Variants in ZDHHC17 observed in about 807,000 individuals in gnomAD.
The protein encoded by ZDHHC17 is zDHHC palmitoyltransferase 17.
In ZDHHC17, 40 loss-of-function variants were observed where a neutral mutation model predicts 90.3. That is an observed-to-expected ratio of 0.44 (90% confidence interval 0.34 to 0.58). The LOEUF (loss-of-function observed/expected upper bound fraction) is 0.58. Ranked by LOEUF, ZDHHC17 falls within the 20% of genes least tolerant of loss-of-function variation. ZDHHC17 has a pLI of 0.01. For missense variants in ZDHHC17, 614 were observed against 780.8 expected, an observed-to-expected ratio of 0.79 and a Z score of 2.55; for synonymous variants, 235 against 252.4, an observed-to-expected ratio of 0.93 and a Z score of 0.65.
chr12:76,813,639 T>C (rs1953051417), intron 5 of ZDHHC17, among the ~76,000 whole-genome samples: 2 of 152,086 alleles, frequency 1.3e-5, no homozygotes, highest in African/African-American at 2.4e-5. Context: ...AACTCTCTGC[T>C]CTCTCCACTG....
intron 1 of ZDHHC17, among the ~76,000 whole-genome samples, chr12:76,787,623 TC>T (rs1333604980): frequency 1.1e-3 from 157 of 146,080 alleles, no homozygotes; most frequent in African/African-American, 3.9e-3. Context: ...TCTCCCTCTC[TC>T]TCTCTCTCTC....
chr12:76,832,276 G>A (rs1288166096), intron 10 of ZDHHC17, among the ~76,000 whole-genome samples: 1 of 152,208 alleles, frequency 6.6e-6, no homozygotes, highest in African/African-American at 2.4e-5. Context: ...AATAGCAGTT[G>A]TCCAGGATCA....
intron 8 of ZDHHC17, among the ~76,000 whole-genome samples, chr12:76,825,525 C>A (rs11115613): frequency 0.062 from 9,380 of 151,938 alleles, 312 homozygotes; most frequent in Middle Eastern, 0.11. Flanking sequence ...AAAGTTCATA[C>A]TTATTAGAAA....
chr12:76,825,796 CATACT>C (rs1157695401), intron 8 of ZDHHC17, among the ~76,000 whole-genome samples: 1 of 152,080 alleles, frequency 6.6e-6, no homozygotes, highest in Non-Finnish European at 1.5e-5. Context: ...AAGCAGTGTT[CATACT>C]CTGCTTTGTT....
chr12:76,773,695 A>G (rs1030317920), intron 1 of ZDHHC17, among the ~76,000 whole-genome samples: 2 of 152,214 alleles, frequency 1.3e-5, no homozygotes, highest in Non-Finnish European at 2.9e-5. Context: ...TTTGCTGTAT[A>G]CATGAATAGG....
rs539134884 is a variant in ZDHHC17 at position 76,765,035 on chromosome 12, A to G, written c.93+706A>G. Among the ~76,000 whole-genome samples, 5 of 152,316 alleles carry G rather than the reference A, an allele frequency of 3.3e-5. No individual in the cohort carries two copies. In the East Asian group the frequency reaches 9.6e-4, roughly 29 times the overall value. On this transcript the variant is annotated intron_variant, in intron 1 of 16. Coordinates refer to ENST00000426126, the MANE Select transcript of ZDHHC17 (RefSeq NM_015336.4). Reference sequence around the variant, plus strand: ...ATGTAAGTAAACAGTGCCCCGCTCCACAGTCAGTCAGTCTGTGCTTGTTTA... The same window carrying G: ...ATGTAAGTAAACAGTGCCCCGCTCCGCAGTCAGTCAGTCTGTGCTTGTTTA...
chr12:76,801,410 T>C (rs892334681), intron 2 of ZDHHC17, among the ~76,000 whole-genome samples: 18 of 151,722 alleles, frequency 1.2e-4, no homozygotes, highest in Non-Finnish European at 2.2e-4. Flanking sequence ...TCCCAGCACT[T>C]TGGGAGGCCA....
chr12:76,814,074 C>A (rs1038842690), intron 5 of ZDHHC17, among the ~76,000 whole-genome samples: 1 of 151,924 alleles, frequency 6.6e-6, no homozygotes, highest in African/African-American at 2.4e-5. Flanking sequence ...TCAAAGTACT[C>A]CAGGTTAATG....
At chr12:76,835,919 C>CT (rs1953357344) in intron 10 of ZDHHC17, among the ~76,000 whole-genome samples, 1 of 39,584 alleles carries the variant, frequency 2.5e-5, no homozygotes, top group African/African-American at 1.1e-4. Flanking sequence ...TCCCTCTACA[C>CT]CCCCTTTTTT....
Position 76,797,420 on chromosome 12 carries a change from T to C in ZDHHC17, c.94-14T>C. On this transcript the variant is annotated splice_polypyrimidine_tract_variant and intron_variant, in intron 1 of 16. Coordinates refer to ENST00000426126, the MANE Select transcript of ZDHHC17 (RefSeq NM_015336.4). ...TTTTCAATTCTTGCCTGTGTGTGAT[T>C]TTCTTTTTAACAGGAAATCAAACCC... The C allele has an allele frequency of 6.3e-7, 1 of 1,586,134 alleles. No homozygotes were observed. The highest frequency in any genetic ancestry group is 8.6e-7 in the Non-Finnish European group (1 of 1,166,390).
At chr12:76,838,124 A>G (rs1326575053) in intron 10 of ZDHHC17, among the ~76,000 whole-genome samples, 2 of 151,772 alleles carry the variant, frequency 1.3e-5, no homozygotes, top group East Asian at 1.9e-4. Flanking sequence ...ATCTGGTTCT[A>G]ATTGTTTTAT....
intron 1 of ZDHHC17, among the ~76,000 whole-genome samples, chr12:76,792,837 T>C (rs1355728211): frequency 6.6e-6 from 1 of 152,198 alleles, no homozygotes; most frequent in Non-Finnish European, 1.5e-5. Flanking sequence ...TGAAGAAATC[T>C]TGTATAAAGC....
intron 1 of ZDHHC17, among the ~76,000 whole-genome samples, chr12:76,792,795 C>CT (rs569370997): frequency 1.3e-3 from 204 of 151,408 alleles, no homozygotes; most frequent in Non-Finnish European, 2.1e-3. Flanking sequence ...AGTTTCAGAA[C>CT]TTTTTTTTTA....
At chr12:76,764,920 C>T in intron 1 of ZDHHC17, 2 of 452,452 alleles carry the variant, frequency 4.4e-6, no homozygotes, top group Non-Finnish European at 8.9e-6. Flanking sequence ...AATAGACTTA[C>T]ACTCACATTA....
At chr12:76,788,506 AC>A (rs1952718472) in intron 1 of ZDHHC17, among the ~76,000 whole-genome samples, 1 of 152,150 alleles carries the variant, frequency 6.6e-6, no homozygotes. Context: ...GCATAAATGA[AC>A]AGTTCTAAAC....
chr12:76,808,920 A>T (rs1391211982), intron 3 of ZDHHC17, 123 bp from the exon 4 acceptor site: 2 of 503,648 alleles, frequency 4.0e-6, no homozygotes, highest in African/African-American at 4.0e-5. Flanking sequence ...AAGATTATTT[A>T]TTTTCAAAGG....
In ZDHHC17 at chr12:76,805,423, A is replaced by T; in HGVS notation, c.304A>T (p.Arg102Ter). Residue 102 changes from arginine (R) to a stop codon, truncating the protein, a stop_gained, in exon 3 of 17, where the codon AGA becomes TGA. Transcript: ENST00000426126. LOFTEE classifies it high-confidence loss of function. Reference sequence around the variant, plus strand: ...CCTCCATTGGGCTGCCATCAATAACAGAATAGATTTAGTCAAGTATGTATT... The same window carrying T: ...CCTCCATTGGGCTGCCATCAATAACTGAATAGATTTAGTCAAGTATGTATT... ...TLLHWAAINN[R>*]IDLVKYYISK... The T allele has an allele frequency of 6.3e-7, 1 of 1,586,688 alleles. No homozygotes were observed. The highest frequency in any genetic ancestry group is 8.6e-7 in the Non-Finnish European group (1 of 1,164,246).
intron 1 of ZDHHC17, among the ~76,000 whole-genome samples, chr12:76,788,688 A>ATATATATTTTTTTTTTTTT (rs61663401): frequency 1.0e-5 from 1 of 98,648 alleles, no homozygotes; most frequent in East Asian, 3.6e-4. Context: ...TGGAATCGCA[A>ATATATATTTTTTTTTTTTT]TTTTTTTTTT....
At position 76,845,558 on chromosome 12, in the gene ZDHHC17, CTT is replaced by C. The variant is rs1170386632; in HGVS notation, c.1330-148_1330-147del. ...TTGAAATTTTATTAAACAATAGTGACTTTTGGTTTCATTCATTTGGAAACCTT... is the reference window on the plus strand; with the variant it reads ...TTGAAATTTTATTAAACAATAGTGACTTGGTTTCATTCATTTGGAAACCTT... On this transcript the variant is annotated intron_variant, in intron 12 of 16. Transcript: ENST00000426126. 5 of 356,440 alleles carry C rather than the reference CTT, an allele frequency of 1.4e-5. No individual in the cohort carries two copies. The East Asian group carries it at 2.1e-4, about 15-fold the overall frequency. The allele number at this position is 356,440 out of a possible 1,614,324, so 22.1% of individuals were successfully genotyped here. A position where few individuals can be genotyped will look rare whatever the true frequency, so the allele number is the denominator to read the frequency against.
Sources: gnomAD v4.1 joint callset for allele counts (sites outside exome capture counted in the v4.1 genomes callset) on GRCh38, gnomAD v4.1.1 for gene constraint, MANE v1.5 for transcripts, NCBI Gene and HGNC (gene_info 2026-07-23, HGNC 2026-07-21) for gene names.